The following TTN variants were observed in gnomAD, a reference collection of about 807,000 sequenced individuals.
TTN encodes titin.
A neutral mutation model predicts 3,223.0 loss-of-function variants in TTN; 1,525 were observed. The ratio of observed to expected loss-of-function variants is 0.47; its 90% CI spans 0.45 to 0.49. The LOEUF (loss-of-function observed/expected upper bound fraction) is 0.49, where lower values mean the gene tolerates loss of function less well. TTN is among the 20% of genes least tolerant of loss of function. The pLI is 0.00. For synonymous variants in TTN, 14,094 were observed against 15,161.0 expected (o/e 0.93, Z 5.17); for missense variants, 40,786 against 43,424.0 (o/e 0.94, Z 5.40).
In TTN at chr2:178,735,975, A is replaced by G; in HGVS notation, c.14471T>C (p.Ile4824Thr). The G allele has an allele frequency of 6.2e-7, 1 of 1,613,850 alleles. No individual in the cohort carries two copies. The highest frequency in any genetic ancestry group is 8.5e-7 in the Non-Finnish European group (1 of 1,179,812). Residue 4824 changes from isoleucine to threonine, a missense_variant, in exon 50 of 363, where the codon ATA (isoleucine) becomes ACA (threonine). Coordinates refer to ENST00000589042, the MANE Select transcript of TTN (RefSeq NM_001267550.2). ...ACCATCTTTCTGCCAAATGGTTTCTATCACAGGAGTCCCTGTCACTGTGCA... is the reference window on the plus strand; with the variant it reads ...ACCATCTTTCTGCCAAATGGTTTCTGTCACAGGAGTCCCTGTCACTGTGCA... ...FICTVTGTPV[I>T]ETIWQKDGAA...
chr2:178,557,348 C>T lies in TTN; in HGVS notation c.87914G>A (p.Gly29305Glu), dbSNP rs1211878996. 1.9e-6 allele frequency: 3 copies of T among 1,613,950 alleles called. No individual in the cohort carries two copies. The highest frequency in any genetic ancestry group is 2.5e-6 in the Non-Finnish European group (3 of 1,179,856). ...ATACACCCTGAATTCATAAATAAGT[C>T]CAGCACTGATTGTTGTGACTTTGAA... ...THFKVTTISA[G>E]LIYEFRVYAE... Residue 29305 changes from glycine to glutamate, a missense_variant, in exon 329 of 363, where the codon GGA (glycine) becomes GAA (glutamate). Transcript: ENST00000589042.
At chr2:178,748,897 T>TTC in intron 47 of TTN, 1 of 1,612,434 alleles carries the variant, frequency 6.2e-7, no homozygotes, top group South Asian at 1.1e-5. Context: ...TTGATCTTGA[T>TTC]TCTCTTTGCT....
chr2:178,654,121 A>G, intron 193 of TTN, 26 bp from the exon 194 acceptor site: 2 of 1,594,530 alleles, frequency 1.3e-6, no homozygotes, highest in Non-Finnish European at 1.7e-6. Flanking sequence ...TATTTTTATA[A>G]TTTATGAATG....
rs1575223863 is a variant in TTN at position 178,530,968 on chromosome 2, A to G, written c.105647T>C (p.Leu35216Pro). 2.5e-6 allele frequency: 4 copies of G among 1,613,978 alleles called. No homozygotes were observed. The highest frequency in any genetic ancestry group is 2.2e-5 in the East Asian group (1 of 44,884). Reference sequence around the variant, plus strand: ...AGTTACCCTGGCCTTTTGAATAGTCAGAGTGAACTCTGCTTCTTGTTTCCC... The same window carrying G: ...AGTTACCCTGGCCTTTTGAATAGTCGGAGTGAACTCTGCTTCTTGTTTCCC... ...SEGKQEAEFT[L>P]TIQKARVTEK... Residue 35216 changes from leucine to proline, a missense_variant, in exon 358 of 363, where the codon CTG (leucine) becomes CCG (proline). Coordinates refer to ENST00000589042, the MANE Select transcript of TTN (RefSeq NM_001267550.2).
At position 178,665,800 on chromosome 2, in the gene TTN, A is replaced by G. The variant is rs572783607; in HGVS notation, c.35876-9T>C. On this transcript the variant is annotated splice_polypyrimidine_tract_variant and intron_variant, in intron 163 of 362. Transcript: ENST00000589042. ...TCGAGGTGATTCAGGCACTTTAAAG[A>G]TATGAATGCATTGTACTTTGGAGTT... is the stretch of plus-strand genomic sequence containing the variant. 1.9e-4 allele frequency: 239 copies of G among 1,259,746 alleles called. 1 individual carries two copies. In the African/African-American group the frequency reaches 3.3e-3, roughly 18 times the overall value. The allele number at this position is 1,259,746 out of a possible 1,614,324, so 78.0% of individuals were successfully genotyped here.
intron 9 of TTN, among the ~76,000 whole-genome samples, chr2:178,793,037 G>A (rs1293053380): frequency 2.6e-5 from 4 of 152,206 alleles, no homozygotes; most frequent in Admixed American, 2.6e-4. Context: ...AGCAAAGTGA[G>A]TTCAGTGTCT....
chr2:178,590,227 C>G lies in TTN; in HGVS notation c.61498G>C (p.Val20500Leu). ...VGQTIRILAR[V>L]KGRPEPDITW... Reference sequence around the variant, plus strand: ...ATGTCTGGTTCAGGTCTGCCTTTGACTCGAGCTAGAATGCGGATAGTTTGG... The same window carrying G: ...ATGTCTGGTTCAGGTCTGCCTTTGAGTCGAGCTAGAATGCGGATAGTTTGG... The change falls in exon 304 of 363, where the codon GTC (valine) becomes CTC (leucine). Residue 20500 changes from valine to leucine, a missense_variant. Val to Leu is a conservative substitution (Grantham distance 32). Transcript: ENST00000589042. The G allele has an allele frequency of 6.3e-7, 1 of 1,596,728 alleles. No individual in the cohort carries two copies. Among genetic ancestry groups the G allele is most frequent in the Non-Finnish European group, 8.5e-7 (1 of 1,171,450 alleles).
In TTN at chr2:178,770,098, A is replaced by G. The variant is rs765207321; in HGVS notation, c.8603T>C (p.Val2868Ala). ...TTTTGCTTTGCATTCCAATTGCCCG[A>G]CCACAGCTGTGTATTCCCCAGCATC... ...PSDAGEYTAV[V>A]GQLECKAKLF... Residue 2868 changes from valine (V) to alanine (A), a missense_variant, in exon 36 of 363, where the codon GTC becomes GCC. Transcript: ENST00000589042. 1.2e-6 allele frequency: 2 copies of G among 1,614,112 alleles called. No individual in the cohort carries two copies. The highest frequency in any genetic ancestry group is 1.1e-5 in the South Asian group (1 of 91,082).
Position 178,639,714 on chromosome 2 carries a change from C to T in TTN, c.40861G>A (p.Val13621Ile). ...GGATAAATACCTGCTTTCTTTCCAA[C>T]CACTGGCACTGTTACTGGGGCAGCG... ...PIAAPVTVPV[V>I]GKKAEAKAPK... The change falls in exon 223 of 363, where the codon GTT becomes ATT. Residue 13621 changes from valine (V) to isoleucine (I), a missense_variant. Transcript: ENST00000589042. 1 of 1,611,620 alleles carries T rather than the reference C, an allele frequency of 6.2e-7. No individual in the cohort carries two copies. The highest frequency in any genetic ancestry group is 8.5e-7 in the Non-Finnish European group (1 of 1,178,624).
At position 178,747,124 on chromosome 2, in the gene TTN, C is replaced by T. The variant is rs72648910; in HGVS notation, c.11312-5203G>A. The T allele has an allele frequency of 4.8e-3, 7,509 of 1,555,344 alleles. 457 individuals carry two copies. The African/African-American group carries it at 0.11, about 22-fold the overall frequency. On this transcript the variant is annotated intron_variant, in intron 47 of 362. Transcript: ENST00000589042. Reference sequence around the variant, plus strand: ...CTCCTGGGGGTGTGGAGTATCTCTCCAGAGTCTCTCCTGGGGGTGTGGAAT... The same window carrying T: ...CTCCTGGGGGTGTGGAGTATCTCTCTAGAGTCTCTCCTGGGGGTGTGGAAT...
rs772252611 is a variant in TTN, at chr2:178,549,072, C to T, written c.92554G>A (p.Glu30852Lys). ...ATTTCAATAATATACCCAATTATTT[C>T]CATGCCACCATCAAACACTGGTTTG... ...WSKPVFDGGM[E>K]IIGYIIEMCK... The change falls in exon 339 of 363, where the codon GAA becomes AAA. Residue 30852 changes from glutamate to lysine, a missense_variant. By Grantham distance (56) the Glu-to-Lys change is moderately conservative. Coordinates refer to ENST00000589042, the MANE Select transcript of TTN (RefSeq NM_001267550.2). 4.3e-6 allele frequency: 7 copies of T among 1,613,766 alleles called. No homozygotes were observed. The highest frequency in any genetic ancestry group is 5.9e-6 in the Non-Finnish European group (7 of 1,179,838).
rs1560257101 is a variant in TTN, at chr2:178,672,174, A to ACTTCTG, written c.35018_35023dup (p.Ala11673_Glu11674dup). The ACTTCTG allele has an allele frequency of 6.3e-7, 1 of 1,585,278 alleles. No individual in the cohort carries two copies. The highest frequency in any genetic ancestry group is 1.8e-5 in the Admixed American group (1 of 54,566). The stretch of plus-strand genomic sequence containing the variant: ...CTCTTCTTCTTCCGGAATTTCTTCC[A>ACTTCTG]CTTCTGCTTCTACTACTTCTAATTC... On this transcript the variant is annotated inframe_insertion, in exon 155 of 363. Transcript: ENST00000589042.
In TTN at chr2:178,538,756, C is replaced by T. The variant is rs878998371; in HGVS notation, c.99073G>A (p.Asp33025Asn). The T allele has an allele frequency of 4.6e-5, 74 of 1,613,594 alleles. No individual in the cohort carries two copies. Among genetic ancestry groups the T allele is most frequent in the Non-Finnish European group, 6.1e-5 (72 of 1,179,716 alleles). The change falls in exon 354 of 363, where the codon GAT (aspartate) becomes AAT (asparagine). Residue 33025 changes from aspartate (D) to asparagine (N), a missense_variant. By Grantham distance (23) the Asp-to-Asn change is conservative. Coordinates refer to ENST00000589042, the MANE Select transcript of TTN (RefSeq NM_001267550.2). ...VTLQWEKPEC[D>N]GGKEILGYWV... is the part of the protein sequence containing the mutation. ...TATCCAAGAATTTCTTTACCACCATCACATTCAGGTTTCTCCCACTGTAGA... is the reference window on the plus strand; with the variant it reads ...TATCCAAGAATTTCTTTACCACCATTACATTCAGGTTTCTCCCACTGTAGA...
At chr2:178,544,955 A>G (rs752363095) in intron 344 of TTN, among the ~76,000 whole-genome samples, 22 of 152,116 alleles carry the variant, frequency 1.4e-4, no homozygotes, top group Non-Finnish European at 2.9e-4. Context: ...AGACTCTGTA[A>G]AAGGATTTGC....
intron 282 of TTN, 134 bp from the exon 283 acceptor site, chr2:178,602,724 G>C (rs72646818): frequency 2.7e-5 from 19 of 693,822 alleles, no homozygotes; most frequent in Admixed American, 4.1e-5. Context: ...AGGAAATACA[G>C]TTGCCTTCTA....
In TTN at chr2:178,532,097, G is replaced by A. The variant is rs546085542; in HGVS notation, c.104518C>T (p.Arg34840Trp). Residue 34840 changes from arginine (R) to tryptophan (W), a missense_variant, in exon 358 of 363, where the codon CGG becomes TGG. Arg to Trp is a moderately radical substitution (Grantham distance 101). Transcript: ENST00000589042. ...SSSASRLLRR[R>W]RSLSPTYIEL... ...ATATAAGTTGGAGACAGGGAGCGCCGTCGTCTCAGTAGTCTAGACGCAGAT... is the reference window on the plus strand; with the variant it reads ...ATATAAGTTGGAGACAGGGAGCGCCATCGTCTCAGTAGTCTAGACGCAGAT... 8.1e-6 allele frequency: 13 copies of A among 1,613,922 alleles called. No individual in the cohort carries two copies. In the East Asian group the frequency reaches 1.6e-4, roughly 19 times the overall value.
chr2:178,753,124 C>T lies in TTN; in HGVS notation c.11311G>A (p.Glu3771Lys). 6.2e-7 allele frequency: 1 copy of T among 1,608,098 alleles called. No homozygotes were observed. The highest frequency in any genetic ancestry group is 1.1e-5 in the South Asian group (1 of 90,452). The change falls in exon 47 of 363, where the codon GAG becomes AAG. Residue 3771 changes from glutamate (E) to lysine (K), a missense_variant and splice_region_variant. Transcript: ENST00000589042. ...IEQEIEMEMK[E>K]FSSSFLSAEE... Reference sequence around the variant, plus strand: ...AATCTCACATCCATTATAACAATACCTTTCATTTCCATCTCAATCTCTTGT... The same window carrying T: ...AATCTCACATCCATTATAACAATACTTTTCATTTCCATCTCAATCTCTTGT...
rs771747683 is a variant in TTN at position 178,776,319 on chromosome 2, G to C, written c.5545C>G (p.Pro1849Ala). The C allele has an allele frequency of 3.1e-6, 5 of 1,613,894 alleles. No homozygotes were observed. In the East Asian group the frequency reaches 6.7e-5, roughly 22 times the overall value. ...GTCTCCCCTTCAAGTACTCTAACTGGCTCTGGGTACAAGACAATGTCTGGC... is the reference window on the plus strand; with the variant it reads ...GTCTCCCCTTCAAGTACTCTAACTGCCTCTGGGTACAAGACAATGTCTGGC... ...QKPDIVLYPE[P>A]VRVLEGETAR... The change falls in exon 28 of 363, where the codon CCA becomes GCA. Residue 1849 changes from proline to alanine, a missense_variant. Pro to Ala is a conservative substitution (Grantham distance 27, BLOSUM62 -1). Transcript: ENST00000589042.
chr2:178,620,839 T>C lies in TTN; in HGVS notation c.45771A>G (p.Gln15257=), dbSNP rs780066088. 1.2e-6 allele frequency: 2 copies of C among 1,612,600 alleles called. No individual in the cohort carries two copies. Among genetic ancestry groups the C allele is most frequent in the Non-Finnish European group, 1.7e-6 (2 of 1,179,132 alleles). Residue 15257 remains glutamine (Q), a synonymous_variant, in exon 247 of 363, where the codon CAA becomes CAG. Transcript: ENST00000589042. Reference sequence around the variant, plus strand: ...TTCTGAGGGTGTAGACTAGGTCTTTTTGGAGAATGATGTATTTTGAACTAT... The same window carrying C: ...TTCTGAGGGTGTAGACTAGGTCTTTCTGGAGAATGATGTATTTTGAACTAT... ...IFDSSKYIIL[Q]KDLVYTLRIR...
Sources: gnomAD v4.1 joint callset for allele counts (sites outside exome capture counted in the v4.1 genomes callset) on GRCh38, gnomAD v4.1.1 for gene constraint, MANE v1.5 for transcripts, NCBI Gene and HGNC (gene_info 2026-07-23, HGNC 2026-07-21) for gene names.